Variants in ARHGEF33 observed in about 807,000 individuals in gnomAD.
The protein encoded by ARHGEF33 is DH and coiled-coil domain-containing protein ENSP00000381780.
Under a neutral mutation model 101.9 loss-of-function variants are expected in ARHGEF33, and 72 were observed. The ratio of observed to expected loss-of-function variants is 0.71; its 90% CI spans 0.58 to 0.86. The LOEUF (loss-of-function observed/expected upper bound fraction) is 0.86. Ranked by LOEUF, ARHGEF33 falls within the 40% of genes least tolerant of loss-of-function variation. The pLI is 0.00. For missense variants in ARHGEF33, 1,169 were observed against 1,111.3 expected (o/e 1.05, Z -0.74); for synonymous variants, 499 against 442.5 (o/e 1.13, Z -1.60).
At position 38,952,531 on chromosome 2, in the gene ARHGEF33, A is replaced by T. The variant is rs186237567; in HGVS notation, c.1054-631A>T. On this transcript the variant is annotated intron_variant, in intron 11 of 17. Coordinates refer to ENST00000409978, the MANE Select transcript of ARHGEF33 (RefSeq NM_001145451.5). ...TGAAATGAAATGGAATTACAAAAAT[A>T]AAAGATACATTTTTATTGTTAAGTG... 3.3e-5 allele frequency among the ~76,000 whole-genome samples: 5 copies of T among 152,338 alleles called. No individual in the cohort carries two copies. In the South Asian group the frequency reaches 6.2e-4, roughly 19 times the overall value.
At chr2:38,905,487 T>A (rs948586333) in intron 2 of ARHGEF33, among the ~76,000 whole-genome samples, 6 of 152,168 alleles carry the variant, frequency 3.9e-5, no homozygotes, top group Non-Finnish European at 8.8e-5. Context: ...TACCAGGACT[T>A]TGAAACGCTC....
intron 17 of ARHGEF33, among the ~76,000 whole-genome samples, chr2:38,972,357 C>G (rs571745181): frequency 6.6e-6 from 1 of 152,062 alleles, no homozygotes; most frequent in South Asian, 2.1e-4. Context: ...CGGGGGGGTT[C>G]CTGAAAAGGA....
At position 38,973,846 on chromosome 2, in the gene ARHGEF33, CATACTT is replaced by C. The variant is rs1415542493; in HGVS notation, c.*5_*10del. On this transcript the variant is annotated 3_prime_UTR_variant, in exon 18 of 18. Coordinates refer to ENST00000409978, the MANE Select transcript of ARHGEF33 (RefSeq NM_001145451.5). ...TTGACCAAGGAACAGCTGTGTAAAA[CATACTT>C]AAAGTTGTATTGTCAAGTGGTAAGA... The C allele has an allele frequency of 2.6e-6, 4 of 1,543,162 alleles. No individual in the cohort carries two copies. Among genetic ancestry groups the C allele is most frequent in the African/African-American group, 1.4e-5 (1 of 72,700 alleles).
intron 2 of ARHGEF33, among the ~76,000 whole-genome samples, chr2:38,901,517 C>A (rs1483538154): frequency 1.3e-5 from 2 of 152,206 alleles, no homozygotes; most frequent in African/African-American, 4.8e-5. Context: ...TGGAAGCTAA[C>A]ACATCCCTAT....
intron 6 of ARHGEF33, among the ~76,000 whole-genome samples, chr2:38,930,196 A>G (rs998651137): frequency 6.6e-6 from 1 of 152,212 alleles, no homozygotes; most frequent in Non-Finnish European, 1.5e-5. Context: ...ACTTTCTAAA[A>G]TGTCTCTAAT....
chr2:38,929,954 A>G (rs1666958646), intron 6 of ARHGEF33, 124 bp downstream of exon 6: 7 of 768,698 alleles, frequency 9.1e-6, no homozygotes, highest in African/African-American at 7.0e-5. Flanking sequence ...ACAGCTTGGC[A>G]TGCGATGGAG....
chr2:38,902,676 C>T (rs747398638), intron 2 of ARHGEF33, among the ~76,000 whole-genome samples: 7 of 152,062 alleles, frequency 4.6e-5, no homozygotes, highest in Non-Finnish European at 8.8e-5. Context: ...TTCATTTATT[C>T]GGCACCTATT....
rs1483931629 is a variant in ARHGEF33, at chr2:38,958,103, C to T, written c.1440C>T (p.Pro480=). 9 of 1,552,158 alleles carry T rather than the reference C, an allele frequency of 5.8e-6. No individual in the cohort carries two copies. The highest frequency in any genetic ancestry group is 7.8e-6 in the Non-Finnish European group (9 of 1,147,106). Reference sequence around the variant, plus strand: ...CCAATGCTGGGCAAGATGCTTCCCCCACTGCAGGTCCTGAGGCTGTCCGTG... The same window carrying T: ...CCAATGCTGGGCAAGATGCTTCCCCTACTGCAGGTCCTGAGGCTGTCCGTG... The part of the protein sequence containing the change: ...QCANAGQDAS[P]TAGPEAVRDT... Residue 480 remains proline (P), a synonymous_variant, in exon 15 of 18, where the codon CCC becomes CCT. Transcript: ENST00000409978.
rs186959604 is a variant in ARHGEF33, at chr2:38,894,441, T to G, written c.-158-1336T>G. 1.3e-3 allele frequency among the ~76,000 whole-genome samples: 174 copies of G among 136,758 alleles called. 1 individual carries two copies. The highest frequency in any genetic ancestry group is 7.3e-3 in the East Asian group (34 of 4,654). The allele number at this position is 136,758 out of a possible 152,430, so 89.7% of individuals were successfully genotyped here. A position where few individuals can be genotyped will look rare whatever the true frequency, so the allele number is the denominator to read the frequency against. On this transcript the variant is annotated intron_variant, in intron 1 of 17. Transcript: ENST00000409978. ...GCTGGGGGAAAAAAAAAAAGAATAA[T>G]AATAGAGGCTTAAACAAGCTAGAAG... is the stretch of plus-strand genomic sequence containing the variant.
intron 16 of ARHGEF33, among the ~76,000 whole-genome samples, chr2:38,964,820 T>G (rs1345501268): frequency 6.6e-6 from 1 of 152,102 alleles, no homozygotes; most frequent in African/African-American, 2.4e-5. Context: ...TAAGTGTGCG[T>G]AAGGATTACC....
At chr2:38,918,538 CACTG>C (rs927109856) in intron 2 of ARHGEF33, among the ~76,000 whole-genome samples, 3 of 152,170 alleles carry the variant, frequency 2.0e-5, no homozygotes, top group Non-Finnish European at 2.9e-5. Context: ...GTATCCACAA[CACTG>C]ACTGTGTGTT....
intron 9 of ARHGEF33, among the ~76,000 whole-genome samples, chr2:38,941,237 G>A (rs961949946): frequency 6.6e-6 from 1 of 152,054 alleles, no homozygotes; most frequent in African/African-American, 2.4e-5. Context: ...TTTGGGGAAG[G>A]GCTATTATCA....
chr2:38,893,236 C>T (rs1489684949), intron 1 of ARHGEF33, among the ~76,000 whole-genome samples: 2 of 151,402 alleles, frequency 1.3e-5, no homozygotes, highest in African/African-American at 4.9e-5. Flanking sequence ...AGTCTTGGCT[C>T]ACTGCAACCT....
chr2:38,935,888 A>G, intron 8 of ARHGEF33, 54 bp downstream of exon 8: 1 of 1,372,940 alleles, frequency 7.3e-7, no homozygotes, highest in Non-Finnish European at 1.0e-6. Flanking sequence ...ATTATTTTCC[A>G]CTTCTATCTT....
At chr2:38,906,644 G>T (rs1284117241) in intron 2 of ARHGEF33, among the ~76,000 whole-genome samples, 12 of 151,980 alleles carry the variant, frequency 7.9e-5, no homozygotes, top group African/African-American at 2.2e-4. Context: ...GGCTTCTGCT[G>T]CTGGACTTTG....
intron 11 of ARHGEF33, among the ~76,000 whole-genome samples, chr2:38,952,651 A>G (rs1667640420): frequency 6.6e-6 from 1 of 152,078 alleles, no homozygotes; most frequent in Admixed American, 6.5e-5. Flanking sequence ...CTGAGTTTTG[A>G]TTCCAAAGGG....
At chr2:38,912,930 T>C (rs1666541872) in intron 2 of ARHGEF33, among the ~76,000 whole-genome samples, 1 of 152,116 alleles carries the variant, frequency 6.6e-6, no homozygotes, top group Admixed American at 6.6e-5. Flanking sequence ...ATAAATAAAA[T>C]ATGAAGCATC....
At chr2:38,902,039 C>T (rs1001647507) in intron 2 of ARHGEF33, among the ~76,000 whole-genome samples, 24 of 150,306 alleles carry the variant, frequency 1.6e-4, no homozygotes, top group Non-Finnish European at 3.1e-4. Context: ...GGCGTGAACC[C>T]GGGAGGTGGA....
chr2:38,960,724 C>A, intron 16 of ARHGEF33, 76 bp downstream of exon 16: 1 of 1,156,176 alleles, frequency 8.6e-7, no homozygotes, highest in South Asian at 1.8e-5. Context: ...CCCGAGTTCT[C>A]CTAGCGTGGA....
Sources: gnomAD v4.1 joint callset for allele counts (sites outside exome capture counted in the v4.1 genomes callset) on GRCh38, gnomAD v4.1.1 for gene constraint, MANE v1.5 for transcripts, NCBI Gene and HGNC (gene_info 2026-07-23, HGNC 2026-07-21) for gene names.